KIRREL3: variants seen among roughly 807,000 people sequenced by gnomAD.
KIRREL3 encodes kin of IRRE-like protein 3.
A neutral mutation model predicts 89.7 loss-of-function variants in KIRREL3; 36 were observed. That is an observed-to-expected ratio of 0.40 (90% CI 0.31 to 0.53). The LOEUF (loss-of-function observed/expected upper bound fraction) is 0.53, where lower values mean the gene tolerates loss of function less well. Ranked by LOEUF, KIRREL3 falls within the 20% of genes least tolerant of loss-of-function variation. The pLI is 0.49. For missense variants in KIRREL3, 864 were observed against 1,056.6 expected (o/e 0.82, Z 2.53); for synonymous variants, 445 against 441.4 (o/e 1.01, Z -0.10).
In KIRREL3 at chr11:126,946,303, C is replaced by A. The variant is rs1487014034; in HGVS notation, c.55+54152G>T. Among the ~76,000 whole-genome samples, 1 of 152,180 alleles carries A rather than the reference C, an allele frequency of 6.6e-6. No individual in the cohort carries two copies. Among genetic ancestry groups the A allele is most frequent in the African/African-American group, 2.4e-5 (1 of 41,432 alleles). ...TCTGCTACTAGCCAGCCACTCTTGT[C>A]ATCTGGAAGGGAAGATTTGGTTGCT... On this transcript the variant is annotated intron_variant, in intron 1 of 16. Coordinates refer to ENST00000525144, the MANE Select transcript of KIRREL3 (RefSeq NM_032531.4). The surrounding 1 kb of genome is among the most constrained non-coding windows in gnomAD (Gnocchi z 4.1).
At chr11:126,618,809 G>A (rs1460822027) in intron 1 of KIRREL3, among the ~76,000 whole-genome samples, 1 of 152,224 alleles carries the variant, frequency 6.6e-6, no homozygotes, top group Non-Finnish European at 1.5e-5. Flanking sequence ...TCTTCCCAGA[G>A]CATCCCTGCT....
chr11:126,779,996 G>T (rs1005272156), intron 1 of KIRREL3, among the ~76,000 whole-genome samples: 45 of 152,074 alleles, frequency 3.0e-4, no homozygotes, highest in Non-Finnish European at 4.4e-5. Context: ...GGGAAAGCTC[G>T]GCTGAGTCTG....
rs1341660518 is a variant in KIRREL3, at chr11:126,652,266, C to G, written c.56-89354G>C. ...TTGTTCTTTGTGTGAAACCAGCACC[C>G]ACTGGCCAAAAAGCCCGGGTTGGGG... On this transcript the variant is annotated intron_variant, in intron 1 of 16. Transcript: ENST00000525144. The surrounding 1 kb of genome is among the most constrained non-coding windows in gnomAD (Gnocchi z 4.9). Among the ~76,000 whole-genome samples, 1 of 152,050 alleles carries G rather than the reference C, an allele frequency of 6.6e-6. No individual in the cohort carries two copies. Among genetic ancestry groups the G allele is most frequent in the African/African-American group, 2.4e-5 (1 of 41,406 alleles).
At chr11:126,741,590 A>G (rs146539101) in intron 1 of KIRREL3, among the ~76,000 whole-genome samples, 54 of 152,368 alleles carry the variant, frequency 3.5e-4, no homozygotes, top group African/African-American at 1.3e-3. Flanking sequence ...ATGAATGGGA[A>G]CTTTTAGTAC....
rs1565715560 is a variant in KIRREL3 at position 126,768,225 on chromosome 11, T to TC, written c.56-205314dup. Among the ~76,000 whole-genome samples, 4 of 131,814 alleles carry TC rather than the reference T, an allele frequency of 3.0e-5. No individual in the cohort carries two copies. Among genetic ancestry groups the TC allele is most frequent in the African/African-American group, 9.1e-5 (3 of 32,818 alleles). The allele number at this position is 131,814 out of a possible 152,430, so 86.5% of individuals were successfully genotyped here. ...TCCATCCATCCATCCATCCATCCAT[T>TC]CAATCTGTCCATCTGTCCATCCATA... On this transcript the variant is annotated intron_variant, in intron 1 of 16. Coordinates refer to ENST00000525144, the MANE Select transcript of KIRREL3 (RefSeq NM_032531.4). The surrounding 1 kb of genome is among the most constrained non-coding windows in gnomAD (Gnocchi z 4.5).
intron 1 of KIRREL3, among the ~76,000 whole-genome samples, chr11:126,784,823 C>T (rs1950436059): frequency 6.6e-6 from 1 of 152,224 alleles, no homozygotes; most frequent in Non-Finnish European, 1.5e-5. Context: ...TGCATCTGAA[C>T]ATAGTACTAA....
intron 1 of KIRREL3, among the ~76,000 whole-genome samples, chr11:126,819,195 C>G (rs1951686017): frequency 6.6e-6 from 1 of 152,100 alleles, no homozygotes; most frequent in Non-Finnish European, 1.5e-5. Flanking sequence ...TGCTGGGCAG[C>G]CTGAGGCGAC....
chr11:126,927,847 G>T (rs76644599), intron 1 of KIRREL3, among the ~76,000 whole-genome samples: 3 of 152,246 alleles, frequency 2.0e-5, no homozygotes, highest in African/African-American at 7.2e-5. Flanking sequence ...ATCCAGACAA[G>T]GCTGTCCAGG....
At chr11:126,657,644 C>T (rs1276563183) in intron 1 of KIRREL3, among the ~76,000 whole-genome samples, 1 of 152,146 alleles carries the variant, frequency 6.6e-6, no homozygotes, top group Non-Finnish European at 1.5e-5. Flanking sequence ...GACAATGACA[C>T]AGAGACAGTC....
intron 1 of KIRREL3, among the ~76,000 whole-genome samples, chr11:126,871,463 C>A (rs1945106450): frequency 6.6e-6 from 1 of 152,152 alleles, no homozygotes; most frequent in Admixed American, 6.5e-5. Flanking sequence ...CCACACTTCA[C>A]AGAGTTTGAA....
chr11:126,669,463 T>A lies in KIRREL3; in HGVS notation c.56-106551A>T, dbSNP rs1171005919. Reference sequence around the variant, plus strand: ...CCAATGTTTCCATGTCTTTAGTTAATGCTTGTAATATCTATGTATTTAAGG... The same window carrying A: ...CCAATGTTTCCATGTCTTTAGTTAAAGCTTGTAATATCTATGTATTTAAGG... On this transcript the variant is annotated intron_variant, in intron 1 of 16. Coordinates refer to ENST00000525144, the MANE Select transcript of KIRREL3 (RefSeq NM_032531.4). This position sits in a 1 kb window ranked among gnomAD's most constrained non-coding sequence, Gnocchi z 5.0. 6.6e-6 allele frequency among the ~76,000 whole-genome samples: 1 copy of A among 152,258 alleles called. No homozygotes were observed.
chr11:126,684,721 T>C lies in KIRREL3; in HGVS notation c.56-121809A>G, dbSNP rs1946601314. Among the ~76,000 whole-genome samples the C allele has an allele frequency of 6.6e-6, 1 of 152,218 alleles. No homozygotes were observed. The highest frequency in any genetic ancestry group is 2.4e-5 in the African/African-American group (1 of 41,460). ...GACTTATAGTTATCCTGGTAGGTAC[T>C]GAAGCTTGTAAAGGCCACCTAATCA... On this transcript the variant is annotated intron_variant, in intron 1 of 16. Transcript: ENST00000525144. The surrounding 1 kb of genome is among the most constrained non-coding windows in gnomAD (Gnocchi z 4.2).
rs959390354 is a variant in KIRREL3 at position 126,940,200 on chromosome 11, G to A, written c.55+60255C>T. 1.8e-4 allele frequency among the ~76,000 whole-genome samples: 27 copies of A among 152,112 alleles called. 1 individual carries two copies. The highest frequency in any genetic ancestry group is 8.8e-5 in the Non-Finnish European group (6 of 68,034). ...GCCTGCTCTCAAAGGATTGTCAAAC[G>A]TGCAACAAATCAGTGTTCTCTCATC... On this transcript the variant is annotated intron_variant, in intron 1 of 16. Transcript: ENST00000525144. The surrounding 1 kb of genome is among the most constrained non-coding windows in gnomAD (Gnocchi z 4.6).
rs1198528802 is a variant in KIRREL3 at position 126,999,791 on chromosome 11, A to G, written c.55+664T>C. ...TCTCTGCCCCTGCTAGGCTGCAGAA[A>G]GGAAACCATCAGCACCACGGGCGAA... On this transcript the variant is annotated intron_variant, in intron 1 of 16. Transcript: ENST00000525144. This position sits in a 1 kb window ranked among gnomAD's most constrained non-coding sequence, Gnocchi z 5.7. Among the ~76,000 whole-genome samples, 1 of 152,224 alleles carries G rather than the reference A, an allele frequency of 6.6e-6. No homozygotes were observed. Among genetic ancestry groups the G allele is most frequent in the Admixed American group, 6.5e-5 (1 of 15,286 alleles).
Position 126,564,087 on chromosome 11 carries a change from A to C in KIRREL3, c.56-1175T>G, listed in dbSNP as rs1321434216. Among the ~76,000 whole-genome samples the C allele has an allele frequency of 6.6e-6, 1 of 152,252 alleles. No individual in the cohort carries two copies. The highest frequency in any genetic ancestry group is 1.5e-5 in the Non-Finnish European group (1 of 68,042). On this transcript the variant is annotated intron_variant, in intron 1 of 16. Transcript: ENST00000525144. This position sits in a 1 kb window ranked among gnomAD's most constrained non-coding sequence, Gnocchi z 7.4. ...TTTCTGGAAGAGGGAATATGACTGC[A>C]GCTCTTCCTGGCCCTTGCCAGGGTT...
At chr11:126,577,426 G>T (rs997497283) in intron 1 of KIRREL3, among the ~76,000 whole-genome samples, 4 of 151,760 alleles carry the variant, frequency 2.6e-5, no homozygotes, top group African/African-American at 9.7e-5. Context: ...GTGGGGAGGG[G>T]GTCCTAGCTG....
rs1330310597 is a variant in KIRREL3, at chr11:126,912,371, T to C, written c.55+88084A>G. Among the ~76,000 whole-genome samples the C allele has an allele frequency of 6.6e-6, 1 of 152,162 alleles. No homozygotes were observed. The highest frequency in any genetic ancestry group is 2.4e-5 in the African/African-American group (1 of 41,430). On this transcript the variant is annotated intron_variant, in intron 1 of 16. Transcript: ENST00000525144. This position sits in a 1 kb window ranked among gnomAD's most constrained non-coding sequence, Gnocchi z 4.7. ...CTCCTGTCTTCACCTCCCTGGGCCA[T>C]GTCTCTCACCTTTTGTGGTAATTCT...
chr11:126,880,693 G>A (rs1204183634), intron 1 of KIRREL3, among the ~76,000 whole-genome samples: 1 of 148,370 alleles, frequency 6.7e-6, no homozygotes, highest in Non-Finnish European at 1.5e-5. Flanking sequence ...TTTACACTTA[G>A]CATTAAATAA....
rs2134814675 is a variant in KIRREL3, at chr11:126,615,340, A to T, written c.56-52428T>A. 6.6e-6 allele frequency among the ~76,000 whole-genome samples: 1 copy of T among 152,312 alleles called. No homozygotes were observed. The highest frequency in any genetic ancestry group is 6.5e-5 in the Admixed American group (1 of 15,296). ...TTATTAATTACTGTCATGAATGCCC[A>T]CTATGCAGATCACTTTTCTTGCTTT... On this transcript the variant is annotated intron_variant, in intron 1 of 16. Transcript: ENST00000525144. The surrounding 1 kb of genome is among the most constrained non-coding windows in gnomAD (Gnocchi z 5.4).
Sources: gnomAD v4.1 joint callset for allele counts (sites outside exome capture counted in the v4.1 genomes callset) on GRCh38, gnomAD v4.1.1 for gene constraint, Gnocchi (gnomAD v3.1) non-coding constraint, MANE v1.5 for transcripts, NCBI Gene and HGNC (gene_info 2026-07-23, HGNC 2026-07-21) for gene names.